Variants in RNF13 observed in about 807,000 individuals in gnomAD.
The protein encoded by RNF13 is ring finger protein 13, also known as E3 ubiquitin-protein ligase RNF13.
RNF13 carries 19 observed loss-of-function variants against 37.7 expected under a neutral mutation model. That is an observed-to-expected ratio of 0.50 (90% CI 0.35 to 0.74). RNF13 has a LOEUF of 0.74. RNF13 is among the 30% of genes least tolerant of loss of function. The pLI is 0.01. For synonymous variants in RNF13, 144 were observed against 157.8 expected, an observed-to-expected ratio of 0.91 and a Z score of 0.65; for missense variants, 375 against 453.0, an observed-to-expected ratio of 0.83 and a Z score of 1.56.
intron 6 of RNF13, among the ~76,000 whole-genome samples, chr3:149,907,441 C>G (rs147515823): frequency 1.1e-3 from 175 of 152,282 alleles, no homozygotes; most frequent in African/African-American, 4.0e-3. Context: ...ACTGTTCACT[C>G]TTTTAACTAC....
Position 149,828,879 on chromosome 3 carries a change from G to C in RNF13, c.-17+15526G>C, listed in dbSNP as rs564958961. Among the ~76,000 whole-genome samples the C allele has an allele frequency of 2.6e-5, 4 of 152,176 alleles. No homozygotes were observed. In the South Asian group the frequency reaches 8.3e-4, roughly 32 times the overall value. On this transcript the variant is annotated intron_variant, in intron 1 of 9. Transcript: ENST00000392894. ...TTCTGTCTGCATCTCAAGGGGAGGG[G>C]CCTGGGAACATTTATTTTTGTCACA...
At chr3:149,891,747 CTT>C (rs1714726669) in intron 4 of RNF13, among the ~76,000 whole-genome samples, 1 of 152,162 alleles carries the variant, frequency 6.6e-6, no homozygotes, top group Non-Finnish European at 1.5e-5. Flanking sequence ...ACTGTGCATG[CTT>C]TGTTTCATGA....
At position 149,961,313 on chromosome 3, in the gene RNF13, CAA is replaced by C; in HGVS notation, c.*210_*211del. 1 of 673,540 alleles carries C rather than the reference CAA, an allele frequency of 1.5e-6. No individual in the cohort carries two copies. Among genetic ancestry groups the C allele is most frequent in the Non-Finnish European group, 2.7e-6 (1 of 371,958 alleles). 41.7% of individuals were successfully genotyped at this position (673,540 alleles called of 1,614,324 possible). A position where few individuals can be genotyped will look rare whatever the true frequency, so the allele number is the denominator to read the frequency against. On this transcript the variant is annotated 3_prime_UTR_variant, in exon 10 of 10. Coordinates refer to ENST00000392894, the MANE Select transcript of RNF13 (RefSeq NM_183381.3). ...CTAATAATAGACTGGTGCTGTAACT[CAA>C]GCATCAATTCAGCTCTTCTTTTGGA...
intron 1 of RNF13, among the ~76,000 whole-genome samples, chr3:149,825,159 A>G (rs1036313866): frequency 6.7e-6 from 1 of 149,660 alleles, no homozygotes; most frequent in Non-Finnish European, 1.5e-5. Context: ...GAGTCTAGCT[A>G]TGTTGCCCAG....
intron 7 of RNF13, among the ~76,000 whole-genome samples, chr3:149,916,657 G>C (rs1397065039): frequency 5.3e-5 from 8 of 151,964 alleles, no homozygotes. Context: ...TTTCAGCATA[G>C]AAGCAAGAAA....
chr3:149,929,350 G>C (rs9876226), intron 8 of RNF13, among the ~76,000 whole-genome samples: 36,492 of 151,934 alleles, frequency 0.24, 4,858 homozygotes, highest in Middle Eastern at 0.34. Flanking sequence ...TGACAATAGC[G>C]TGGGGGAAAC....
intron 3 of RNF13, among the ~76,000 whole-genome samples, chr3:149,854,222 TA>T (rs201865258): frequency 4.0e-5 from 6 of 151,640 alleles, no homozygotes; most frequent in Admixed American, 2.6e-4. Flanking sequence ...TTTTAATTAT[TA>T]AAAAAAAATT....
chr3:149,837,783 A>C (rs1164650993), intron 1 of RNF13, among the ~76,000 whole-genome samples: 4 of 152,126 alleles, frequency 2.6e-5, no homozygotes, highest in Non-Finnish European at 4.4e-5. Context: ...GGCCCCTCCC[A>C]AATCTCATGT....
intron 8 of RNF13, among the ~76,000 whole-genome samples, chr3:149,957,647 A>T (rs1345951918): frequency 6.6e-6 from 1 of 152,222 alleles, no homozygotes; most frequent in Non-Finnish European, 1.5e-5. Flanking sequence ...GTGATAAGTA[A>T]GTATGCCTAT....
chr3:149,890,992 T>G (rs1484006561), intron 4 of RNF13, among the ~76,000 whole-genome samples: 1 of 152,230 alleles, frequency 6.6e-6, no homozygotes, highest in Non-Finnish European at 1.5e-5. Flanking sequence ...CACAAGATTT[T>G]AAGATTAATG....
intron 8 of RNF13, among the ~76,000 whole-genome samples, chr3:149,958,744 T>C (rs959232898): frequency 1.3e-5 from 2 of 152,226 alleles, no homozygotes; most frequent in Non-Finnish European, 2.9e-5. Flanking sequence ...ATTGCAGATA[T>C]ATCAGAGGTC....
intron 6 of RNF13, 64 bp downstream of exon 6, chr3:149,902,226 A>G: frequency 2.8e-6 from 2 of 726,316 alleles, no homozygotes; most frequent in South Asian, 3.9e-5. Flanking sequence ...GTAGAATTAT[A>G]TAATATTGTA....
intron 3 of RNF13, among the ~76,000 whole-genome samples, chr3:149,854,563 A>T (rs929145743): frequency 2.0e-5 from 3 of 152,230 alleles, no homozygotes; most frequent in African/African-American, 7.2e-5. Context: ...AGGGATAAAG[A>T]TGTTCAGAGT....
At chr3:149,917,680 T>A (rs1186457424) in intron 7 of RNF13, among the ~76,000 whole-genome samples, 2 of 152,222 alleles carry the variant, frequency 1.3e-5, no homozygotes, top group Non-Finnish European at 2.9e-5. Context: ...CTAATTCAGT[T>A]GTGTTGAGGT....
intron 3 of RNF13, among the ~76,000 whole-genome samples, chr3:149,856,200 A>G (rs1030388114): frequency 4.6e-5 from 7 of 151,782 alleles, no homozygotes; most frequent in African/African-American, 1.7e-4. Context: ...GAAATATTCT[A>G]ACAAAATTAT....
At chr3:149,855,553 TAAA>T (rs1410633846) in intron 3 of RNF13, among the ~76,000 whole-genome samples, 1 of 151,062 alleles carries the variant, frequency 6.6e-6, no homozygotes, top group African/African-American at 2.4e-5. Flanking sequence ...ATTTATATAT[TAAA>T]AATACATATA....
chr3:149,923,495 G>A (rs1055108416), intron 8 of RNF13, among the ~76,000 whole-genome samples: 88 of 152,074 alleles, frequency 5.8e-4, no homozygotes, highest in African/African-American at 1.9e-3. Context: ...GGCCAGGCAC[G>A]GTGGCTCACA....
At chr3:149,844,439 C>T (rs1722454530) in intron 1 of RNF13, among the ~76,000 whole-genome samples, 1 of 152,086 alleles carries the variant, frequency 6.6e-6, no homozygotes, top group African/African-American at 2.4e-5. Context: ...AGACTCAGTG[C>T]CCAGGGTTTA....
intron 3 of RNF13, among the ~76,000 whole-genome samples, chr3:149,867,785 G>A (rs956837900): frequency 6.6e-6 from 1 of 151,728 alleles, no homozygotes; most frequent in African/African-American, 2.4e-5. Flanking sequence ...TTTACATTTA[G>A]TGTTATTGAT....
Sources: allele counts gnomAD v4.1 joint callset (sites outside exome capture counted in the v4.1 genomes callset), GRCh38; gene constraint gnomAD v4.1.1; transcripts MANE v1.5; gene names NCBI Gene and HGNC (gene_info 2026-07-23, HGNC 2026-07-21).